Variants in HTR7 observed in about 807,000 individuals in gnomAD.
The protein encoded by HTR7 is 5-HT-7.
HTR7 carries 16 observed loss-of-function variants against 34.0 expected under a neutral mutation model. That is an observed-to-expected ratio of 0.47 (90% CI 0.32 to 0.71). The LOEUF is 0.71. Ranked by LOEUF, HTR7 falls within the 30% of genes least tolerant of loss-of-function variation. The pLI is 0.04. For missense variants in HTR7, 504 were observed against 625.5 expected, an observed-to-expected ratio of 0.81 and a Z score of 2.07; for synonymous variants, 265 against 260.2, an observed-to-expected ratio of 1.02 and a Z score of -0.18.
chr10:90,834,085 A>G (rs1044208561), intron 1 of HTR7, among the ~76,000 whole-genome samples: 8 of 152,248 alleles, frequency 5.3e-5, no homozygotes, highest in African/African-American at 1.9e-4. Flanking sequence ...AATTTCAAGA[A>G]TATAGCAAAC....
chr10:90,803,283 GT>G (rs995093729), intron 1 of HTR7, among the ~76,000 whole-genome samples: 1 of 152,098 alleles, frequency 6.6e-6, no homozygotes, highest in Non-Finnish European at 1.5e-5. Flanking sequence ...GGTTTGATAT[GT>G]TGGCATATGA....
chr10:90,787,525 A>G (rs1480606959), intron 1 of HTR7, among the ~76,000 whole-genome samples: 3 of 151,964 alleles, frequency 2.0e-5, no homozygotes, highest in Admixed American at 2.0e-4. Flanking sequence ...TAATAAGACA[A>G]AGCTCACTAC....
At chr10:90,800,159 G>A (rs750639579) in intron 1 of HTR7, among the ~76,000 whole-genome samples, 3 of 152,134 alleles carry the variant, frequency 2.0e-5, no homozygotes, top group African/African-American at 7.2e-5. Context: ...ATGACAAAGT[G>A]TGGTGTGAAT....
chr10:90,847,482 G>T (rs181738404), intron 1 of HTR7, among the ~76,000 whole-genome samples: 80 of 152,174 alleles, frequency 5.3e-4, no homozygotes, highest in Admixed American at 1.6e-3. Flanking sequence ...GTATCTACAA[G>T]CAGAAAATTA....
rs574814787 is a variant in HTR7 at position 90,795,033 on chromosome 10, T to C, written c.540-45439A>G. 3.9e-5 allele frequency among the ~76,000 whole-genome samples: 6 copies of C among 152,364 alleles called. No individual in the cohort carries two copies. The South Asian group carries it at 1.2e-3, about 32-fold the overall frequency. On this transcript the variant is annotated intron_variant, in intron 1 of 3. Transcript: ENST00000336152. ...TTACTCAGCAGCGCATGACAGTATATACATTTTCTTTATCCATTCATCTGT... is the reference window on the plus strand; with the variant it reads ...TTACTCAGCAGCGCATGACAGTATACACATTTTCTTTATCCATTCATCTGT...
intron 1 of HTR7, among the ~76,000 whole-genome samples, chr10:90,821,258 A>C (rs1564693657): frequency 2.0e-5 from 3 of 152,118 alleles, no homozygotes; most frequent in African/African-American, 4.8e-5. Context: ...GACAATCTTG[A>C]ATTGCTGATG....
chr10:90,809,486 T>A (rs1316378901), intron 1 of HTR7, among the ~76,000 whole-genome samples: 1 of 152,124 alleles, frequency 6.6e-6, no homozygotes, highest in African/African-American at 2.4e-5. Context: ...CAACATTAAA[T>A]AAAACTCCAA....
At chr10:90,754,674 C>T (rs1844805591) in intron 1 of HTR7, among the ~76,000 whole-genome samples, 1 of 152,182 alleles carries the variant, frequency 6.6e-6, no homozygotes, top group African/African-American at 2.4e-5. Flanking sequence ...GAGTTATAAT[C>T]TGCATAGAGA....
At chr10:90,802,987 A>C (rs1026730511) in intron 1 of HTR7, among the ~76,000 whole-genome samples, 2 of 105,980 alleles carry the variant, frequency 1.9e-5, no homozygotes, top group Non-Finnish European at 3.9e-5. Flanking sequence ...GTTGTACCCC[A>C]TTTGTGGCCT....
In HTR7 at chr10:90,857,545, A is replaced by G. The variant is rs1846606855; in HGVS notation, c.127T>C (p.Ser43Pro). The change falls in exon 1 of 4, where the codon TCC becomes CCC. Residue 43 changes from serine (S) to proline (P), a missense_variant. Ser to Pro is a moderately conservative substitution (Grantham distance 74). This residue lies in a region of HTR7 where 139 missense variants were observed against 117.1 expected (regional missense o/e 1.19). Transcript: ENST00000336152. This position sits in a 1 kb window ranked among gnomAD's most constrained non-coding sequence, Gnocchi z 6.5. Reference protein sequence around the residue: ...PDGGADPVAGSWAPHLLSEVT... With the variant: ...PDGGADPVAGPWAPHLLSEVT... ...TCGCTCAGCAGGTGCGGCGCCCAGG[A>G]GCCCGCGACCGGGTCGGCGCCACCG... 1 of 1,602,102 alleles carries G rather than the reference A, an allele frequency of 6.2e-7. No homozygotes were observed. Among genetic ancestry groups the G allele is most frequent in the East Asian group, 2.2e-5 (1 of 44,472 alleles).
At chr10:90,845,232 C>G (rs920556176) in intron 1 of HTR7, among the ~76,000 whole-genome samples, 6 of 152,160 alleles carry the variant, frequency 3.9e-5, no homozygotes, top group Non-Finnish European at 7.3e-5. Flanking sequence ...AGTAAGAGCA[C>G]TATTTCTGTT....
At chr10:90,843,548 A>G (rs1846362302) in intron 1 of HTR7, among the ~76,000 whole-genome samples, 1 of 152,216 alleles carries the variant, frequency 6.6e-6, no homozygotes, top group Non-Finnish European at 1.5e-5. Context: ...CAGGGGAGAC[A>G]TGAATAGATG....
chr10:90,749,567 TG>T lies in HTR7; in HGVS notation c.566del (p.Thr189AsnfsTer4), dbSNP rs751028373. ...DRYLGITRPL[T>X]YPVRQNGKCM... ...ATTTCCCATTCTGCCTCACAGGGTATGTGAGGGGCCTTGTGATCCCAAGGTA... is the reference window on the plus strand; with the variant it reads ...ATTTCCCATTCTGCCTCACAGGGTATTGAGGGGCCTTGTGATCCCAAGGTA... On this transcript the variant is annotated frameshift_variant, in exon 2 of 4. Coordinates refer to ENST00000336152, the MANE Select transcript of HTR7 (RefSeq NM_019859.4). LOFTEE classifies it high-confidence loss of function. The surrounding 1 kb of genome is among the most constrained non-coding windows in gnomAD (Gnocchi z 4.2). 1.2e-6 allele frequency: 2 copies of T among 1,612,436 alleles called. No individual in the cohort carries two copies. Among genetic ancestry groups the T allele is most frequent in the Non-Finnish European group, 1.7e-6 (2 of 1,178,902 alleles).
At chr10:90,756,500 C>G (rs1490957652) in intron 1 of HTR7, among the ~76,000 whole-genome samples, 1 of 152,134 alleles carries the variant, frequency 6.6e-6, no homozygotes, top group African/African-American at 2.4e-5. Context: ...TGTTTCTAAG[C>G]TACACTTACA....
At chr10:90,783,475 A>T (rs181547591) in intron 1 of HTR7, among the ~76,000 whole-genome samples, 4 of 152,252 alleles carry the variant, frequency 2.6e-5, no homozygotes, top group African/African-American at 9.6e-5. Flanking sequence ...ATGGAAGCTA[A>T]TAGCTTCTAT....
At chr10:90,800,543 G>A (rs182572026) in intron 1 of HTR7, among the ~76,000 whole-genome samples, 179 of 141,878 alleles carry the variant, frequency 1.3e-3, no homozygotes, top group African/African-American at 4.6e-3. Context: ...ATCTTCACAT[G>A]TACAGAACAA....
intron 1 of HTR7, among the ~76,000 whole-genome samples, chr10:90,839,225 G>A (rs1188227857): frequency 6.6e-6 from 1 of 152,150 alleles, no homozygotes; most frequent in Non-Finnish European, 1.5e-5. Context: ...CCTTTCATCA[G>A]TATGAAAGAA....
intron 1 of HTR7, among the ~76,000 whole-genome samples, chr10:90,844,178 A>G (rs759107954): frequency 2.0e-5 from 3 of 152,214 alleles, no homozygotes; most frequent in Non-Finnish European, 4.4e-5. Flanking sequence ...AAGATTTACT[A>G]TCTTATCCCA....
At chr10:90,836,595 C>T (rs1467449025) in intron 1 of HTR7, among the ~76,000 whole-genome samples, 1 of 152,102 alleles carries the variant, frequency 6.6e-6, no homozygotes, top group East Asian at 1.9e-4. Flanking sequence ...ACTGTAGCCT[C>T]GACCTCTGGG....
Sources: allele counts gnomAD v4.1 joint callset (sites outside exome capture counted in the v4.1 genomes callset), GRCh38; gene constraint gnomAD v4.1.1; regional missense constraint gnomAD v4.1.1; non-coding constraint Gnocchi (gnomAD v3.1); transcripts MANE v1.5; gene names NCBI Gene and HGNC (gene_info 2026-07-23, HGNC 2026-07-21).